The following USP34 variants were observed in gnomAD, a reference collection of about 807,000 sequenced individuals.
USP34 encodes ubiquitin specific peptidase 34, also known as ubiquitin carboxyl-terminal hydrolase 34.
Under a neutral mutation model 460.3 loss-of-function variants are expected in USP34, and 70 were observed. That is an observed-to-expected ratio of 0.15 (90% CI 0.13 to 0.19). USP34 has a LOEUF of 0.19. Among genes scored for constraint, USP34 ranks in the 10% least tolerant of loss-of-function variants. USP34 has a pLI of 1.00. For synonymous variants in USP34, 1,647 were observed against 1,405.3 expected, an observed-to-expected ratio of 1.17 and a Z score of -3.85; for missense variants, 3,985 against 4,236.2, an observed-to-expected ratio of 0.94 and a Z score of 1.65.
At chr2:61,190,737 A>G in intron 76 of USP34, 79 bp from the exon 77 acceptor site, 1 of 1,509,808 alleles carries the variant, frequency 6.6e-7, no homozygotes, top group East Asian at 2.3e-5. Flanking sequence ...ACACAGAAAA[A>G]ACATACACTT....
intron 67 of USP34, among the ~76,000 whole-genome samples, chr2:61,215,300 G>A (rs1251540536): frequency 6.6e-6 from 1 of 151,874 alleles, no homozygotes; most frequent in African/African-American, 2.4e-5. Flanking sequence ...GAAAGAACTG[G>A]GTGTTAAATT....
intron 1 of USP34, among the ~76,000 whole-genome samples, chr2:61,440,287 G>A (rs943801745): frequency 6.6e-6 from 1 of 152,062 alleles, no homozygotes; most frequent in Non-Finnish European, 1.5e-5. Context: ...GAAGTTGCAA[G>A]GGCTGCCATC....
chr2:61,419,114 C>T (rs1694285165), intron 2 of USP34, among the ~76,000 whole-genome samples: 2 of 152,094 alleles, frequency 1.3e-5, no homozygotes, highest in African/African-American at 4.8e-5. Context: ...CAGAACTTAA[C>T]TCATTTGTCA....
intron 28 of USP34, 81 bp from the exon 29 acceptor site, chr2:61,301,241 TAAA>T: frequency 6.6e-7 from 1 of 1,515,848 alleles, no homozygotes; most frequent in Non-Finnish European, 8.9e-7. Flanking sequence ...TAGAATCACT[TAAA>T]ATTTTAATAT....
At chr2:61,418,372 G>A (rs1460504198) in intron 2 of USP34, among the ~76,000 whole-genome samples, 1 of 152,112 alleles carries the variant, frequency 6.6e-6, no homozygotes, top group Admixed American at 6.5e-5. Flanking sequence ...GAGCAACCAC[G>A]CTTGGCCTAC....
chr2:61,281,774 G>A (rs545651540), intron 37 of USP34, among the ~76,000 whole-genome samples: 1 of 151,970 alleles, frequency 6.6e-6, no homozygotes, highest in African/African-American at 2.4e-5. Context: ...AATGACAACA[G>A]GTAAATACAA....
rs1008711949 is a variant in USP34 at position 61,348,610 on chromosome 2, G to A, written c.1675-130C>T. On this transcript the variant is annotated intron_variant, in intron 14 of 79. Transcript: ENST00000398571. ...ATACTCCTTTGAACAATACAAAATGGAATTAAAAACTCAAAGGATGTCAAA... is the reference window on the plus strand; with the variant it reads ...ATACTCCTTTGAACAATACAAAATGAAATTAAAAACTCAAAGGATGTCAAA... 5.6e-6 allele frequency: 8 copies of A among 1,437,044 alleles called. No individual in the cohort carries two copies. In the African/African-American group the frequency reaches 1.0e-4, roughly 18 times the overall value. 89.0% of individuals were successfully genotyped at this position (1,437,044 alleles called of 1,614,324 possible).
At chr2:61,262,804 T>C (rs1572881967) in intron 43 of USP34, among the ~76,000 whole-genome samples, 1 of 152,220 alleles carries the variant, frequency 6.6e-6, no homozygotes, top group Non-Finnish European at 1.5e-5. Context: ...CCATCAGCAG[T>C]GTATATGCAT....
intron 23 of USP34, 79 bp from the exon 24 acceptor site, chr2:61,315,053 A>G: frequency 9.4e-7 from 1 of 1,061,490 alleles, no homozygotes; most frequent in Admixed American, 2.4e-5. Flanking sequence ...ATCAAAAGTA[A>G]AAATCATAGG....
intron 27 of USP34, among the ~76,000 whole-genome samples, chr2:61,308,710 G>C (rs1690489461): frequency 6.6e-6 from 1 of 152,068 alleles, no homozygotes. Context: ...AGAACACTAA[G>C]AAAAAAGTGA....
At chr2:61,244,371 T>C (rs1475455064) in intron 51 of USP34, among the ~76,000 whole-genome samples, 1 of 152,100 alleles carries the variant, frequency 6.6e-6, no homozygotes, top group East Asian at 1.9e-4. Flanking sequence ...ATCCCAGCAC[T>C]TCGGAGGCTG....
At chr2:61,423,419 G>T (rs1161213246) in intron 1 of USP34, among the ~76,000 whole-genome samples, 1 of 151,666 alleles carries the variant, frequency 6.6e-6, no homozygotes, top group Non-Finnish European at 1.5e-5. Context: ...CACTAACAAT[G>T]AACAATTTAA....
chr2:61,246,341 A>T lies in USP34; in HGVS notation c.6531T>A (p.Ala2177=), dbSNP rs1433867220. ...AAACTCACCATTTATTGTTTTTATAAGCATGGGGATTTACTATATCTCTGA... is the reference window on the plus strand; with the variant it reads ...AAACTCACCATTTATTGTTTTTATATGCATGGGGATTTACTATATCTCTGA... The part of the protein sequence containing the change: ...SFIRDIVNPH[A]YKNNKWYLFN... The change falls in exon 50 of 80, where the codon GCT becomes GCA. Residue 2177 remains alanine (A), a synonymous_variant. Coordinates refer to ENST00000398571, the MANE Select transcript of USP34 (RefSeq NM_014709.4). The T allele has an allele frequency of 1.3e-6, 2 of 1,561,234 alleles. No homozygotes were observed. Among genetic ancestry groups the T allele is most frequent in the Admixed American group, 3.9e-5 (2 of 51,490 alleles).
intron 41 of USP34, among the ~76,000 whole-genome samples, chr2:61,268,438 TAAAAAA>T (rs35618230): frequency 3.7e-5 from 2 of 53,374 alleles, no homozygotes; most frequent in African/African-American, 1.5e-4. Flanking sequence ...GAGCTGTTGT[TAAAAAA>T]AAAAAAAAAA....
chr2:61,316,372 G>A (rs1179726475), intron 23 of USP34, among the ~76,000 whole-genome samples: 2 of 151,962 alleles, frequency 1.3e-5, no homozygotes, highest in African/African-American at 2.4e-5. Context: ...AAAACTTGAG[G>A]TCAGGAGTTC....
Position 61,236,326 on chromosome 2 carries a change from C to T in USP34, c.6841G>A (p.Gly2281Arg), listed in dbSNP as rs760545305. 6.2e-7 allele frequency: 1 copy of T among 1,603,034 alleles called. No individual in the cohort carries two copies. Among genetic ancestry groups the T allele is most frequent in the Admixed American group, 1.7e-5 (1 of 57,788 alleles). The change falls in exon 54 of 80, where the codon GGA becomes AGA. Residue 2281 changes from glycine to arginine, a missense_variant and splice_region_variant. Coordinates refer to ENST00000398571, the MANE Select transcript of USP34 (RefSeq NM_014709.4). Reference protein sequence around the residue: ...DKNIFEHTYFGFMWQLCSCIP... With the variant: ...DKNIFEHTYFRFMWQLCSCIP... Reference sequence around the variant, plus strand: ...TACTATGAAATTTACCAAACTTACCCAAAATATGTATGTTCAAAAATGTTT... The same window carrying T: ...TACTATGAAATTTACCAAACTTACCTAAAATATGTATGTTCAAAAATGTTT...
chr2:61,219,955 C>G (rs1687511398), intron 67 of USP34, among the ~76,000 whole-genome samples: 1 of 151,546 alleles, frequency 6.6e-6, no homozygotes, highest in Non-Finnish European at 1.5e-5. Flanking sequence ...ATAATTTCAG[C>G]CAATATTTTC....
chr2:61,261,459 T>C (rs947350671), intron 43 of USP34, among the ~76,000 whole-genome samples: 1 of 152,052 alleles, frequency 6.6e-6, no homozygotes, highest in Admixed American at 6.6e-5. Flanking sequence ...AACAGTTGAA[T>C]GCATAGAGAT....
chr2:61,435,965 C>A (rs139565239), intron 1 of USP34, among the ~76,000 whole-genome samples: 1 of 151,246 alleles, frequency 6.6e-6, no homozygotes, highest in African/African-American at 2.4e-5. Context: ...GAGGCGGAGG[C>A]TGCAGTAAAC....
Sources: gnomAD v4.1 joint callset for allele counts (sites outside exome capture counted in the v4.1 genomes callset) on GRCh38, gnomAD v4.1.1 for gene constraint, MANE v1.5 for transcripts, NCBI Gene and HGNC (gene_info 2026-07-23, HGNC 2026-07-21) for gene names.